The following ATP5MC2 variants were observed in gnomAD, a reference collection of about 807,000 sequenced individuals.
ATP5MC2 encodes the protein ATP synthase F(0) complex subunit C2, mitochondrial.
A neutral mutation model predicts 13.5 loss-of-function variants in ATP5MC2; 11 were observed. The observed-to-expected ratio is 0.81, with a 90% CI of 0.51 to 1.35. ATP5MC2 has a LOEUF of 1.35. ATP5MC2 is among the 40% of genes most tolerant of loss of function. The probability of loss-of-function intolerance (pLI) is 0.00; values close to 1 mark genes in which losing one functional copy is unlikely to be tolerated. For synonymous variants in ATP5MC2, 64 were observed against 69.7 expected (o/e 0.92, Z 0.41); for missense variants, 132 against 175.0 (o/e 0.75, Z 1.39).
At chr12:53,674,641 T>C in intron 1 of ATP5MC2, among the ~76,000 whole-genome samples, 1 of 152,338 alleles carries the variant, frequency 6.6e-6, no homozygotes, top group East Asian at 1.9e-4. Flanking sequence ...TTAATTGCTC[T>C]TAATTTATTT....
In ATP5MC2 at chr12:53,668,365, C is replaced by T. The variant is rs147935837; in HGVS notation, c.311+783G>A. ...AGGCTGGAGTACAGTGGCATGATCTCGGCTCACAGCTCACTGCAACCTCCA... is the reference window on the plus strand; with the variant it reads ...AGGCTGGAGTACAGTGGCATGATCTTGGCTCACAGCTCACTGCAACCTCCA... On this transcript the variant is annotated intron_variant, in intron 4 of 4. Transcript: ENST00000394349. 1.8e-3 allele frequency among the ~76,000 whole-genome samples: 272 copies of T among 150,838 alleles called. 1 individual carries two copies. The highest frequency in any genetic ancestry group is 3.5e-3 in the Middle Eastern group (1 of 286).
upstream of ATP5MC2, chr12:53,676,102 G>A: frequency 6.2e-7 from 1 of 1,614,252 alleles, no homozygotes. Flanking sequence ...CGGGAAGAGC[G>A]AAAGGAAGGC....
intron 2 of ATP5MC2, among the ~76,000 whole-genome samples, chr12:53,671,290 A>C (rs141785876): frequency 1.4e-4 from 21 of 152,374 alleles, no homozygotes; most frequent in African/African-American, 4.6e-4. Context: ...CTCATTTATG[A>C]AATCAAAATA....
chr12:53,665,754 G>GAAGAGGCATCCAGAGTGC (rs1944895911), intron 4 of ATP5MC2, among the ~76,000 whole-genome samples: 1 of 152,168 alleles, frequency 6.6e-6, no homozygotes, highest in South Asian at 2.1e-4. Flanking sequence ...AAATAGGATG[G>GAAGAGGCATCCAGAGTGC]AAGGGTCTAT....
intron 4 of ATP5MC2, among the ~76,000 whole-genome samples, 179 bp downstream of exon 4, chr12:53,668,969 G>A (rs114037773): frequency 0.011 from 1,634 of 152,278 alleles, 27 homozygotes; most frequent in African/African-American, 0.033. Flanking sequence ...AGTGAGCTGA[G>A]ATTGCGCCAC....
chr12:53,678,355 CCACCACCACCAT>C (rs199717459), upstream of ATP5MC2, among the ~76,000 whole-genome samples: 11 of 109,284 alleles, frequency 1.0e-4, no homozygotes, highest in East Asian at 4.5e-4. Context: ...ACCACCACCA[CCACCACCACCAT>C]CACCACCATC....
intron 4 of ATP5MC2, among the ~76,000 whole-genome samples, chr12:53,665,633 C>T (rs1400909476): frequency 6.6e-6 from 1 of 152,196 alleles, no homozygotes; most frequent in Non-Finnish European, 1.5e-5. Flanking sequence ...AGCAGGCAAT[C>T]TAAAATCCTG....
intron 1 of ATP5MC2, chr12:53,673,351 A>AAACAAACAAACAAAC (rs1349761617): frequency 2.9e-5 from 4 of 136,028 alleles, no homozygotes; most frequent in African/African-American, 1.3e-4. Flanking sequence ...AACAAACAAA[A>AAACAAACAAACAAAC]AGTTGCCCTT....
In ATP5MC2 at chr12:53,672,557, C is replaced by A; in HGVS notation, c.39+19G>T. The A allele has an allele frequency of 6.4e-7, 1 of 1,561,036 alleles. No homozygotes were observed. The highest frequency in any genetic ancestry group is 2.3e-5 in the East Asian group (1 of 43,272). ...AGATGTCTCTCCTTTAAAACTCTCCCAGAAAAGCAGGTACTCACCAAGGAG... is the reference window on the plus strand; with the variant it reads ...AGATGTCTCTCCTTTAAAACTCTCCAAGAAAAGCAGGTACTCACCAAGGAG... On this transcript the variant is annotated intron_variant, in intron 2 of 4. Transcript: ENST00000394349.
upstream of ATP5MC2, among the ~76,000 whole-genome samples, chr12:53,679,667 T>C (rs1490382420): frequency 6.6e-6 from 1 of 152,240 alleles, no homozygotes; most frequent in African/African-American, 2.4e-5. Context: ...GCACTGCCAA[T>C]ACTTTATACA....
In ATP5MC2 at chr12:53,665,203, T is replaced by C. The variant is rs1382376964; in HGVS notation, c.*111A>G. 2.8e-6 allele frequency: 2 copies of C among 722,726 alleles called. No individual in the cohort carries two copies. Among genetic ancestry groups the C allele is most frequent in the Non-Finnish European group, 4.7e-6 (2 of 429,704 alleles). The allele number at this position is 722,726 out of a possible 1,614,324, so 44.8% of individuals were successfully genotyped here. The stretch of plus-strand genomic sequence containing the variant: ...ATACAGTATTTATTTGTCTTTTCTC[T>C]GTCAAACCCTGAGCCAACCACGTTC... On this transcript the variant is annotated 3_prime_UTR_variant, in exon 5 of 5. Coordinates refer to ENST00000394349, the MANE Select transcript of ATP5MC2 (RefSeq NM_005176.7).
intron 2 of ATP5MC2, among the ~76,000 whole-genome samples, 182 bp downstream of exon 2, chr12:53,672,394 G>A (rs367812470): frequency 2.0e-5 from 3 of 152,052 alleles, no homozygotes; most frequent in Non-Finnish European, 2.9e-5. Context: ...ACTGGTTTTC[G>A]TTTTTTTAGT....
chr12:53,679,506 T>A (rs1945329855), upstream of ATP5MC2, among the ~76,000 whole-genome samples: 1 of 152,230 alleles, frequency 6.6e-6, no homozygotes, highest in Admixed American at 6.5e-5. Flanking sequence ...ACTATGCTAG[T>A]TACTTCATCT....
upstream of ATP5MC2, chr12:53,676,199 G>A: frequency 6.2e-7 from 1 of 1,612,462 alleles, no homozygotes; most frequent in Non-Finnish European, 8.5e-7. Flanking sequence ...GCATCACAGC[G>A]CCGCCTGCCA....
At chr12:53,676,131 G>A (rs183618637), upstream of ATP5MC2, 396 of 1,614,220 alleles carry the variant, frequency 2.5e-4, 3 homozygotes, top group East Asian at 8.7e-3. Flanking sequence ...TGCGTGACCC[G>A]GGCCAACGAG....
intron 1 of ATP5MC2, 47 bp from the exon 2 acceptor site, chr12:53,672,692 T>C (rs1593054162): frequency 1.1e-5 from 17 of 1,525,334 alleles, no homozygotes; most frequent in Non-Finnish European, 1.5e-5. Context: ...TTCACTAAAC[T>C]ATATCCTTAT....
intron 3 of ATP5MC2, among the ~76,000 whole-genome samples, 200 bp from the exon 4 acceptor site, chr12:53,669,541 G>C (rs1344093660): frequency 6.6e-6 from 1 of 152,198 alleles, no homozygotes; most frequent in Non-Finnish European, 1.5e-5. Flanking sequence ...TGGTCAAGAA[G>C]TGTAAGACTG....
chr12:53,668,647 C>A (rs1945004259), intron 4 of ATP5MC2, among the ~76,000 whole-genome samples: 1 of 152,180 alleles, frequency 6.6e-6, no homozygotes, highest in Non-Finnish European at 1.5e-5. Context: ...CTAGCCACAT[C>A]TGGCTACTGA....
upstream of ATP5MC2, among the ~76,000 whole-genome samples, chr12:53,678,101 A>T (rs1945316772): frequency 6.6e-6 from 1 of 152,066 alleles, no homozygotes; most frequent in African/African-American, 2.4e-5. Flanking sequence ...GATGTTTAAC[A>T]CTCCCTTGCC....
Sources: gnomAD v4.1 joint callset for allele counts (sites outside exome capture counted in the v4.1 genomes callset) on GRCh38, gnomAD v4.1.1 for gene constraint, MANE v1.5 for transcripts, NCBI Gene and HGNC (gene_info 2026-07-23, HGNC 2026-07-21) for gene names.